The following SUSD1 variants were observed in gnomAD, a reference collection of about 807,000 sequenced individuals.
SUSD1 encodes the protein sushi domain-containing protein 1.
Under a neutral mutation model 86.9 loss-of-function variants are expected in SUSD1, and 65 were observed. The ratio of observed to expected loss-of-function variants is 0.75; its 90% CI spans 0.61 to 0.92. SUSD1 has a LOEUF of 0.92. Among genes scored for constraint, SUSD1 ranks in the 40% least tolerant of loss-of-function variants. SUSD1 has a pLI of 0.00. For missense variants in SUSD1, 850 were observed against 929.7 expected (o/e 0.91, Z 1.11); for synonymous variants, 346 against 350.0 (o/e 0.99, Z 0.13).
In SUSD1 at chr9:112,041,133, A is replaced by G. The variant is rs951763606; in HGVS notation, c.*359T>C. The G allele has an allele frequency of 2.9e-5, 12 of 413,974 alleles. No individual in the cohort carries two copies. The highest frequency in any genetic ancestry group is 2.2e-4 in the African/African-American group (11 of 51,112). 25.6% of individuals were successfully genotyped at this position (413,974 alleles called of 1,614,324 possible). Reference sequence around the variant, plus strand: ...GGTTGCAGAGATTCTCTTGCAGTCAATGTCTAGAGGAGCTGACCCTCAGGC... The same window carrying G: ...GGTTGCAGAGATTCTCTTGCAGTCAGTGTCTAGAGGAGCTGACCCTCAGGC... On this transcript the variant is annotated 3_prime_UTR_variant, in exon 17 of 17. Transcript: ENST00000374270.
intron 1 of SUSD1, chr9:112,173,862 G>A: frequency 3.3e-6 from 1 of 298,928 alleles, no homozygotes; most frequent in Non-Finnish European, 6.7e-6. Flanking sequence ...CAGGAACTTG[G>A]GGTCCACCCC....
At chr9:112,133,668 T>A (rs1427860501) in intron 5 of SUSD1, among the ~76,000 whole-genome samples, 1 of 152,202 alleles carries the variant, frequency 6.6e-6, no homozygotes, top group Non-Finnish European at 1.5e-5. Context: ...GAAATAGTTT[T>A]TTATTAAGCC....
intron 1 of SUSD1, among the ~76,000 whole-genome samples, chr9:112,173,340 G>A (rs771448799): frequency 2.0e-5 from 3 of 152,156 alleles, no homozygotes; most frequent in Non-Finnish European, 4.4e-5. Context: ...GTCATCACAT[G>A]GAAATTTCCT....
rs533560384 is a variant in SUSD1 at position 112,171,409 on chromosome 9, C to T, written c.103+3724G>A. Among the ~76,000 whole-genome samples the T allele has an allele frequency of 5.3e-5, 8 of 152,294 alleles. No homozygotes were observed. In the South Asian group the frequency reaches 1.4e-3, roughly 28 times the overall value. Reference sequence around the variant, plus strand: ...TGGATGGTATTCATTTATTTGCCTACCAGATTCCTAATACAAGCCACTGTC... The same window carrying T: ...TGGATGGTATTCATTTATTTGCCTATCAGATTCCTAATACAAGCCACTGTC... On this transcript the variant is annotated intron_variant, in intron 1 of 16. Transcript: ENST00000374270.
At chr9:112,138,257 GTGT>G (rs1564328959) in intron 5 of SUSD1, among the ~76,000 whole-genome samples, 1 of 25,640 alleles carries the variant, frequency 3.9e-5, no homozygotes, top group Non-Finnish European at 7.2e-5. Context: ...ATATATATAT[GTGT>G]ATATACATAT....
chr9:112,114,924 G>C (rs945451540), intron 6 of SUSD1, among the ~76,000 whole-genome samples: 7 of 152,210 alleles, frequency 4.6e-5, no homozygotes, highest in Admixed American at 1.3e-4. Flanking sequence ...GTGGAGACCA[G>C]TACAATCAGG....
At position 112,173,624 on chromosome 9, in the gene SUSD1, C is replaced by T. The variant is rs549943520; in HGVS notation, c.103+1509G>A. ...CCTTGGTTTGATCCTTGACCTTGGT[C>T]TTTGGCTGGCACAGCCTGAGCCCCT... On this transcript the variant is annotated intron_variant, in intron 1 of 16. Transcript: ENST00000374270. 3.3e-4 allele frequency: 148 copies of T among 445,574 alleles called. 2 individuals are homozygous for T. Among genetic ancestry groups the T allele is most frequent in the South Asian group, 2.4e-3 (141 of 57,702 alleles). 27.6% of individuals were successfully genotyped at this position (445,574 alleles called of 1,614,324 possible). A position where few individuals can be genotyped will look rare whatever the true frequency, so the allele number is the denominator to read the frequency against.
chr9:112,082,234 T>C (rs1829797596), intron 10 of SUSD1, among the ~76,000 whole-genome samples: 1 of 152,128 alleles, frequency 6.6e-6, no homozygotes, highest in South Asian at 2.1e-4. Context: ...AAAGGCAACA[T>C]ACAAAAACTG....
chr9:112,072,426 C>T (rs113276302), intron 12 of SUSD1, among the ~76,000 whole-genome samples: 2 of 152,064 alleles, frequency 1.3e-5, no homozygotes, highest in Middle Eastern at 3.4e-3. Flanking sequence ...CATGAGCCAC[C>T]GTGCCTGGCC....
intron 14 of SUSD1, among the ~76,000 whole-genome samples, chr9:112,055,768 A>G (rs923734790): frequency 6.6e-5 from 10 of 152,228 alleles, no homozygotes; most frequent in Non-Finnish European, 1.3e-4. Context: ...TTATTCATCC[A>G]TGAATAAATG....
At chr9:112,064,117 T>G (rs1413350732) in intron 12 of SUSD1, among the ~76,000 whole-genome samples, 3 of 151,592 alleles carry the variant, frequency 2.0e-5, no homozygotes, top group African/African-American at 7.3e-5. Flanking sequence ...CTACTGTCCA[T>G]CTCTAGGCAA....
chr9:112,065,478 T>C (rs1027219200), intron 12 of SUSD1, among the ~76,000 whole-genome samples: 18 of 152,340 alleles, frequency 1.2e-4, no homozygotes, highest in African/African-American at 4.1e-4. Flanking sequence ...TGAGCCGAGA[T>C]TGTGCCACTG....
intron 1 of SUSD1, among the ~76,000 whole-genome samples, chr9:112,169,979 G>A (rs1452018605): frequency 6.6e-6 from 1 of 152,080 alleles, no homozygotes; most frequent in Non-Finnish European, 1.5e-5. Flanking sequence ...CAAGCTGAGT[G>A]TATCCTTTTT....
intron 10 of SUSD1, among the ~76,000 whole-genome samples, chr9:112,092,686 T>C (rs1830250865): frequency 6.6e-6 from 1 of 152,238 alleles, no homozygotes; most frequent in Non-Finnish European, 1.5e-5. Flanking sequence ...CTTAAAGTCT[T>C]TCCTAGAAAT....
At chr9:112,129,886 A>G (rs953273486) in intron 5 of SUSD1, among the ~76,000 whole-genome samples, 1 of 152,242 alleles carries the variant, frequency 6.6e-6, no homozygotes, top group Non-Finnish European at 1.5e-5. Context: ...CCCCTCAGGA[A>G]GAAACCAGAC....
chr9:112,052,940 A>C (rs575187935), intron 14 of SUSD1, among the ~76,000 whole-genome samples: 44 of 152,308 alleles, frequency 2.9e-4, no homozygotes, highest in African/African-American at 9.4e-4. Flanking sequence ...GGAAGAAAGC[A>C]ACAGGAACAT....
intron 3 of SUSD1, among the ~76,000 whole-genome samples, chr9:112,146,739 G>A (rs1200743366): frequency 6.6e-6 from 1 of 152,008 alleles, no homozygotes; most frequent in Admixed American, 6.6e-5. Context: ...GGGCTCCAGC[G>A]ATCCTCCCAC....
Position 112,124,409 on chromosome 9 carries a change from A to C in SUSD1, c.734T>G (p.Met245Arg), listed in dbSNP as rs780034003. 1.9e-6 allele frequency: 3 copies of C among 1,614,064 alleles called. No individual in the cohort carries two copies. The highest frequency in any genetic ancestry group is 1.7e-6 in the Non-Finnish European group (2 of 1,179,950). ...ATTTCCTACCAAGATGGCGTGCCGC[A>C]TTTCTGGAGGGTTGCCACAGTTGAT... ...QEINCGNPPE[M>R]RHAILVGNHS... The change falls in exon 6 of 17, where the codon ATG becomes AGG. Residue 245 changes from methionine (M) to arginine (R), a missense_variant. Met to Arg is a moderately conservative substitution (Grantham distance 91). Transcript: ENST00000374270.
rs752083380 is a variant in SUSD1, at chr9:112,157,488, T to C, written c.217+12A>G. On this transcript the variant is annotated intron_variant, in intron 2 of 16. Transcript: ENST00000374270. ...TTCAGCTTTTCAACTTAACCCAGAG[T>C]TCAGAACTTACCAACACACTGAGTC... 6.3e-7 allele frequency: 1 copy of C among 1,594,424 alleles called. No individual in the cohort carries two copies. Among genetic ancestry groups the C allele is most frequent in the Non-Finnish European group, 8.6e-7 (1 of 1,162,720 alleles).
Sources: gnomAD v4.1 joint callset for allele counts (sites outside exome capture counted in the v4.1 genomes callset) on GRCh38, gnomAD v4.1.1 for gene constraint, MANE v1.5 for transcripts, NCBI Gene and HGNC (gene_info 2026-07-23, HGNC 2026-07-21) for gene names.